SCTR: variants seen among roughly 807,000 people sequenced by gnomAD.
SCTR encodes the protein pancreatic secretin receptor.
SCTR carries 56 observed loss-of-function variants against 60.8 expected under a neutral mutation model. That is an observed-to-expected ratio of 0.92 (90% CI 0.74 to 1.15). SCTR has a LOEUF of 1.15. SCTR is among the 50% of genes most tolerant of loss of function. The pLI is 0.00. For synonymous variants in SCTR, 202 were observed against 217.0 expected, an observed-to-expected ratio of 0.93 and a Z score of 0.61; for missense variants, 562 against 550.4, an observed-to-expected ratio of 1.02 and a Z score of -0.21.
intron 4 of SCTR, among the ~76,000 whole-genome samples, chr2:119,469,614 C>T (rs78070400): frequency 0.039 from 5,921 of 152,236 alleles, 359 homozygotes; most frequent in African/African-American, 0.13. Flanking sequence ...CCTTAACCTC[C>T]GAGTAGCTAA....
intron 1 of SCTR, among the ~76,000 whole-genome samples, chr2:119,500,184 G>GTAGTCTTAAAAGTT (rs1678492281): frequency 4.1e-5 from 2 of 49,274 alleles, no homozygotes; most frequent in Non-Finnish European, 1.2e-4. Context: ...ACTAAAAAGT[G>GTAGTCTTAAAAGTT]TAGTCCTAAA....
rs1481285122 is a variant in SCTR at position 119,473,453 on chromosome 2, C to T, written c.405G>A (p.Arg135=). 6.2e-7 allele frequency: 1 copy of T among 1,610,188 alleles called. No homozygotes were observed. The highest frequency in any genetic ancestry group is 1.1e-5 in the South Asian group (1 of 90,972). The change falls in exon 4 of 13, where the codon CGG becomes CGA. Residue 135 remains arginine (R), a splice_region_variant and synonymous_variant. Coordinates refer to ENST00000019103, the MANE Select transcript of SCTR (RefSeq NM_002980.3). ...GTGGGGTGGAGGTTGACAGGCTTACCCGCTTCTCGTTGGAAGAGTCGTTCA... is the reference window on the plus strand; with the variant it reads ...GTGGGGTGGAGGTTGACAGGCTTACTCGCTTCTCGTTGGAAGAGTCGTTCA... ...VNVNDSSNEK[R]HSYLLKLKVM... is the part of the protein sequence containing the mutation.
intron 10 of SCTR, 27 bp from the exon 11 acceptor site, chr2:119,446,912 C>A: frequency 6.9e-7 from 1 of 1,444,880 alleles, no homozygotes. Flanking sequence ...CCTGTAGCCT[C>A]CACTCTGCCT....
rs528637711 is a variant in SCTR at position 119,523,726 on chromosome 2, C to T, written c.72+429G>A. On this transcript the variant is annotated intron_variant, in intron 1 of 12. Transcript: ENST00000019103. Reference sequence around the variant, plus strand: ...CAAGAATTTTTATTCCCCCTCTCCTCTCCTTTCCTTTCCTTTCTTTGTCTG... The same window carrying T: ...CAAGAATTTTTATTCCCCCTCTCCTTTCCTTTCCTTTCCTTTCTTTGTCTG... Among the ~76,000 whole-genome samples the T allele has an allele frequency of 1.8e-4, 28 of 152,272 alleles. 1 individual carries two copies. The highest frequency in any genetic ancestry group is 6.3e-4 in the African/African-American group (26 of 41,570).
chr2:119,495,797 A>G (rs953494437), intron 1 of SCTR, among the ~76,000 whole-genome samples: 2 of 152,180 alleles, frequency 1.3e-5, no homozygotes, highest in Non-Finnish European at 1.5e-5. Flanking sequence ...TGAAAAACAC[A>G]TCACCTCCCC....
intron 10 of SCTR, among the ~76,000 whole-genome samples, chr2:119,448,451 ATC>A (rs543171262): frequency 3.6e-4 from 55 of 152,226 alleles, no homozygotes; most frequent in African/African-American, 1.3e-3. Flanking sequence ...CAAGGATAAG[ATC>A]TCTCTGCCGT....
intron 7 of SCTR, among the ~76,000 whole-genome samples, chr2:119,457,963 C>T (rs889174517): frequency 6.6e-6 from 1 of 152,010 alleles, no homozygotes; most frequent in Non-Finnish European, 1.5e-5. Context: ...TTATTTAAAC[C>T]AAGTACATGA....
At chr2:119,501,775 AAAGAAG>A (rs148264278) in intron 1 of SCTR, among the ~76,000 whole-genome samples, 4 of 151,970 alleles carry the variant, frequency 2.6e-5, no homozygotes, top group East Asian at 3.9e-4. Context: ...CAAAAAATAC[AAAGAAG>A]AAGAAGAAGA....
chr2:119,504,292 T>G (rs1678656566), intron 1 of SCTR, among the ~76,000 whole-genome samples: 1 of 152,174 alleles, frequency 6.6e-6, no homozygotes, highest in South Asian at 2.1e-4. Context: ...CTATGAAACT[T>G]TTATTTAAAA....
intron 12 of SCTR, 92 bp downstream of exon 12, chr2:119,441,466 C>A: frequency 1.9e-6 from 2 of 1,026,702 alleles, no homozygotes; most frequent in East Asian, 4.9e-5. Context: ...TTCCATCCCC[C>A]TTCCTACCAC....
At chr2:119,479,154 G>A in intron 2 of SCTR, 1 of 1,024,276 alleles carries the variant, frequency 9.8e-7, no homozygotes, top group Non-Finnish European at 1.2e-6. Context: ...AAGAAAGGGA[G>A]GGAGGAAGGG....
intron 1 of SCTR, among the ~76,000 whole-genome samples, chr2:119,497,259 A>C (rs1678387900): frequency 6.6e-6 from 1 of 152,062 alleles, no homozygotes; most frequent in Non-Finnish European, 1.5e-5. Context: ...CCCACTCTGC[A>C]GGTGTCAAAT....
intron 3 of SCTR, among the ~76,000 whole-genome samples, chr2:119,477,470 T>A (rs143711835): frequency 0.019 from 2,834 of 150,652 alleles, 35 homozygotes; most frequent in South Asian, 0.056. Flanking sequence ...TGTTTGTTTG[T>A]GACAGAGTCT....
At chr2:119,496,628 A>G (rs993886827) in intron 1 of SCTR, among the ~76,000 whole-genome samples, 4 of 152,344 alleles carry the variant, frequency 2.6e-5, no homozygotes, top group African/African-American at 9.6e-5. Context: ...CCCAGTGGTG[A>G]GTCCCACCTC....
chr2:119,524,204 G>A lies in SCTR; in HGVS notation c.23C>T (p.Pro8Leu), dbSNP rs1679379504. MRPHLSP[P>L]LQQLLLPVLL... ...CACCGGCAGTAGTAGCTGCTGCAGC[G>A]GCGGCGACAGGTGGGGACGCATGGT... Residue 8 changes from proline to leucine, a missense_variant, in exon 1 of 13, where the codon CCG becomes CTG. Transcript: ENST00000019103. The A allele has an allele frequency of 1.3e-6, 2 of 1,518,294 alleles. No homozygotes were observed. The highest frequency in any genetic ancestry group is 1.9e-4 in the Middle Eastern group (1 of 5,392). The allele number at this position is 1,518,294 out of a possible 1,614,324, so 94.1% of individuals were successfully genotyped here. A position where few individuals can be genotyped will look rare whatever the true frequency, so the allele number is the denominator to read the frequency against.
intron 1 of SCTR, 27 bp from the exon 2 acceptor site, chr2:119,494,575 A>T: frequency 6.2e-7 from 1 of 1,610,818 alleles, no homozygotes; most frequent in Non-Finnish European, 8.5e-7. Context: ...AGGGATGCTC[A>T]TCATTGCCAC....
Position 119,457,539 on chromosome 2 carries a change from C to T in SCTR, c.791-4192G>A, listed in dbSNP as rs111415235. On this transcript the variant is annotated intron_variant, in intron 7 of 12. Coordinates refer to ENST00000019103, the MANE Select transcript of SCTR (RefSeq NM_002980.3). Reference sequence around the variant, plus strand: ...CCAACCTGGGAGACATGGCAAGACCCTGTCTCTACAATAAATGTAAAAAAT... The same window carrying T: ...CCAACCTGGGAGACATGGCAAGACCTTGTCTCTACAATAAATGTAAAAAAT... 5.9e-3 allele frequency among the ~76,000 whole-genome samples: 893 copies of T among 152,070 alleles called. 4 individuals carry two copies. The highest frequency in any genetic ancestry group is 0.02 in the African/African-American group (819 of 41,468).
At chr2:119,501,911 A>G (rs1018173832) in intron 1 of SCTR, among the ~76,000 whole-genome samples, 1 of 151,114 alleles carries the variant, frequency 6.6e-6, no homozygotes, top group Admixed American at 6.6e-5. Flanking sequence ...CTAAACACAC[A>G]CAAACAAATT....
chr2:119,460,326 C>T (rs1172980602), intron 7 of SCTR, among the ~76,000 whole-genome samples: 1 of 152,042 alleles, frequency 6.6e-6, no homozygotes, highest in African/African-American at 2.4e-5. Context: ...ACCTGGCTCT[C>T]TGTCTAGAAC....
Sources: gnomAD v4.1 joint callset for allele counts (sites outside exome capture counted in the v4.1 genomes callset) on GRCh38, gnomAD v4.1.1 for gene constraint, MANE v1.5 for transcripts, NCBI Gene and HGNC (gene_info 2026-07-23, HGNC 2026-07-21) for gene names.